KIAA0319: variants seen among roughly 807,000 people sequenced by gnomAD.
KIAA0319 encodes the protein dyslexia-associated protein KIAA0319.
A neutral mutation model predicts 108.4 loss-of-function variants in KIAA0319; 83 were observed. The ratio of observed to expected loss-of-function variants is 0.77; its 90% CI spans 0.64 to 0.92. KIAA0319 has a LOEUF of 0.92. Among genes scored for constraint, KIAA0319 ranks in the 40% least tolerant of loss-of-function variants. The pLI, the probability that KIAA0319 is intolerant of heterozygous loss-of-function variation, is 0.00. For missense variants in KIAA0319, 1,195 were observed against 1,322.4 expected (o/e 0.90, Z 1.49); for synonymous variants, 484 against 510.4 (o/e 0.95, Z 0.70).
chr6:24,550,622 A>G (rs1293815106), intron 20 of KIAA0319, among the ~76,000 whole-genome samples: 1 of 152,242 alleles, frequency 6.6e-6, no homozygotes, highest in Non-Finnish European at 1.5e-5. Flanking sequence ...TCAATGGCTA[A>G]TTAGATAACG....
rs1562023557 is a variant in KIAA0319 at position 24,595,563 on chromosome 6, A to AAAAAAAAC, written c.801+302_801+309dup. On this transcript the variant is annotated intron_variant, in intron 3 of 20. Coordinates refer to ENST00000378214, the MANE Select transcript of KIAA0319 (RefSeq NM_014809.4). ...TTCAATCTCAAAAAAAAAAAAAAAA[A>AAAAAAAAC]AAAAAAACGCTACAGGCATTTCTAG... is the stretch of plus-strand genomic sequence containing the variant. Among the ~76,000 whole-genome samples, 46 of 142,998 alleles carry AAAAAAAAC rather than the reference A, an allele frequency of 3.2e-4. 1 individual carries two copies. The highest frequency in any genetic ancestry group is 4.1e-4 in the East Asian group (2 of 4,834). The allele number at this position is 142,998 out of a possible 152,430, so 93.8% of individuals were successfully genotyped here.
chr6:24,588,404 T>C (rs967516380), intron 4 of KIAA0319, among the ~76,000 whole-genome samples, 189 bp downstream of exon 4: 1 of 152,204 alleles, frequency 6.6e-6, no homozygotes, highest in Non-Finnish European at 1.5e-5. Context: ...TCCTGGACTA[T>C]GGAGTCCCTG....
rs765309527 is a variant in KIAA0319 at position 24,563,371 on chromosome 6, T to A, written c.2579A>T (p.His860Leu). 6.2e-7 allele frequency: 1 copy of A among 1,612,784 alleles called. No homozygotes were observed. Among genetic ancestry groups the A allele is most frequent in the South Asian group, 1.1e-5 (1 of 90,718 alleles). Residue 860 changes from histidine to leucine, a missense_variant, in exon 16 of 21, where the codon CAC becomes CTC. Coordinates refer to ENST00000378214, the MANE Select transcript of KIAA0319 (RefSeq NM_014809.4). ...GTGCAGCTCCTACCTGAGATCCGAG[T>A]GGGCCCGAATCTTCTGGACCTTAAT... ...SDIKVQKIRA[H>L]SDLSTVIVFY...
At chr6:24,543,433 AT>A (rs890150135), downstream of KIAA0319, among the ~76,000 whole-genome samples, 2 of 151,286 alleles carry the variant, frequency 1.3e-5, no homozygotes, top group East Asian at 1.9e-4. Context: ...CTCAATCTGC[AT>A]TTTTTTTTCT....
chr6:24,626,668 A>G lies in KIAA0319; in HGVS notation c.-106+19068T>C, dbSNP rs1774763685. 1.3e-5 allele frequency among the ~76,000 whole-genome samples: 2 copies of G among 152,236 alleles called. 1 individual carries two copies. Among genetic ancestry groups the G allele is most frequent in the Non-Finnish European group, 2.9e-5 (2 of 68,046 alleles). On this transcript the variant is annotated intron_variant, in intron 1 of 20. Transcript: ENST00000378214. Reference sequence around the variant, plus strand: ...ATATCTCAATGAAGCTAACATTTTAAAAAGAAAATGTATTGAACACCTATG... The same window carrying G: ...ATATCTCAATGAAGCTAACATTTTAGAAAGAAAATGTATTGAACACCTATG...
At chr6:24,621,419 G>A (rs1163943896) in intron 1 of KIAA0319, among the ~76,000 whole-genome samples, 1 of 152,156 alleles carries the variant, frequency 6.6e-6, no homozygotes, top group Non-Finnish European at 1.5e-5. Flanking sequence ...AGATCATGGA[G>A]ACAAGAACCA....
intron 19 of KIAA0319, among the ~76,000 whole-genome samples, chr6:24,551,909 G>C (rs190392661): frequency 4.4e-4 from 67 of 152,228 alleles, no homozygotes; most frequent in Admixed American, 3.3e-3. Context: ...TATGTCCAAT[G>C]CTGCAGTAAT....
intron 1 of KIAA0319, among the ~76,000 whole-genome samples, chr6:24,642,149 AGGAGGGAGGGAG>A (rs541372328): frequency 1.2e-5 from 1 of 84,666 alleles, no homozygotes; most frequent in Non-Finnish European, 2.2e-5. Context: ...AGGGGAGGGA[AGGAGGGAGGGAG>A]GGAGGGAAGT....
At chr6:24,636,530 G>A (rs1776224294) in intron 1 of KIAA0319, among the ~76,000 whole-genome samples, 1 of 152,146 alleles carries the variant, frequency 6.6e-6, no homozygotes, top group South Asian at 2.1e-4. Context: ...AGAGCAACAT[G>A]AATTCTGTGA....
chr6:24,595,825 GC>G, intron 3 of KIAA0319, 47 bp downstream of exon 3: 2 of 1,543,650 alleles, frequency 1.3e-6, no homozygotes, highest in Non-Finnish European at 8.7e-7. Context: ...CCTACGGTCT[GC>G]CCCACTCAGC....
In KIAA0319 at chr6:24,588,770, G is replaced by C. The variant is rs1425349338; in HGVS notation, c.817C>G (p.His273Asp). 8.1e-6 allele frequency: 13 copies of C among 1,613,686 alleles called. No individual in the cohort carries two copies. Among genetic ancestry groups the C allele is most frequent in the Non-Finnish European group, 1.1e-5 (13 of 1,179,882 alleles). The change falls in exon 4 of 21, where the codon CAT (histidine) becomes GAT (aspartate). Residue 273 changes from histidine (H) to aspartate (D), a missense_variant. Coordinates refer to ENST00000378214, the MANE Select transcript of KIAA0319 (RefSeq NM_014809.4). ...SSGKEVLMPS[H>D]SLPPASLELS... ...TCCAGGCTTGCCGGAGGAAGACTAT[G>C]GGAAGGCATTAGAACCTACGAGATC...
At chr6:24,592,180 G>C (rs898497290) in intron 3 of KIAA0319, among the ~76,000 whole-genome samples, 3 of 152,058 alleles carry the variant, frequency 2.0e-5, no homozygotes, top group Non-Finnish European at 4.4e-5. Context: ...GAGAACGTTG[G>C]TCCATTTTGA....
At chr6:24,586,945 C>T (rs1301132946) in intron 4 of KIAA0319, among the ~76,000 whole-genome samples, 11 of 152,080 alleles carry the variant, frequency 7.2e-5, no homozygotes, top group Non-Finnish European at 1.5e-4. Flanking sequence ...CCCAAAGTTC[C>T]AGTCCTCAGG....
chr6:24,617,727 C>T (rs561022245), intron 1 of KIAA0319, among the ~76,000 whole-genome samples: 1 of 152,300 alleles, frequency 6.6e-6, no homozygotes, highest in Admixed American at 6.5e-5. Flanking sequence ...TGGCTCATGC[C>T]TATAATCCCA....
chr6:24,580,909 C>A lies in KIAA0319; in HGVS notation c.1279+17G>T, dbSNP rs1160768107. Reference sequence around the variant, plus strand: ...TAAATATGTACAACAGGAGGTCATTCTCTTACACCGGCTTACCAGGCTTAA... The same window carrying A: ...TAAATATGTACAACAGGAGGTCATTATCTTACACCGGCTTACCAGGCTTAA... On this transcript the variant is annotated intron_variant, in intron 7 of 20. Transcript: ENST00000378214. 1 of 1,567,838 alleles carries A rather than the reference C, an allele frequency of 6.4e-7. No homozygotes were observed. The highest frequency in any genetic ancestry group is 1.4e-5 in the African/African-American group (1 of 73,810).
In KIAA0319 at chr6:24,596,282, C is replaced by T; in HGVS notation, c.392G>A (p.Gly131Glu). Residue 131 changes from glycine (G) to glutamate (E), a missense_variant, in exon 3 of 21, where the codon GGG (glycine) becomes GAG (glutamate). Transcript: ENST00000378214. ...LNRGSPSGIW[G>E]DSPEDIRKDL... The stretch of plus-strand genomic sequence containing the variant: ...CTTTCTGATATCCTCAGGTGAGTCC[C>T]CCCAGATCCCCGAGGGGGAGCCCCT... 6.2e-7 allele frequency: 1 copy of T among 1,614,182 alleles called. No individual in the cohort carries two copies. Among genetic ancestry groups the T allele is most frequent in the East Asian group, 2.2e-5 (1 of 44,878 alleles).
chr6:24,598,882 AAAAAAT>A, intron 2 of KIAA0319: 2 of 330,792 alleles, frequency 6.0e-6, no homozygotes, highest in Non-Finnish European at 1.2e-5. Flanking sequence ...GCATTTAAAA[AAAAAAT>A]AAAAAGTAAA....
chr6:24,579,462 C>A (rs1162375787), intron 8 of KIAA0319, among the ~76,000 whole-genome samples: 6 of 141,520 alleles, frequency 4.2e-5, no homozygotes, highest in Admixed American at 2.9e-4. Flanking sequence ...TCTTATATAT[C>A]TCATATATAT....
At chr6:24,602,336 A>C (rs1770749046) in intron 1 of KIAA0319, among the ~76,000 whole-genome samples, 1 of 152,184 alleles carries the variant, frequency 6.6e-6, no homozygotes. Flanking sequence ...TAACACATAA[A>C]TATTTTCACA....
Sources: allele counts gnomAD v4.1 joint callset (sites outside exome capture counted in the v4.1 genomes callset), GRCh38; gene constraint gnomAD v4.1.1; transcripts MANE v1.5; gene names NCBI Gene and HGNC (gene_info 2026-07-23, HGNC 2026-07-21).